SMG8: variants seen among roughly 807,000 people sequenced by gnomAD.
The protein encoded by SMG8 is nonsense-mediated mRNA decay factor SMG8.
A neutral mutation model predicts 82.1 loss-of-function variants in SMG8; 49 were observed. The ratio of observed to expected loss-of-function variants is 0.60; its 90% CI spans 0.47 to 0.76. The LOEUF (loss-of-function observed/expected upper bound fraction) is 0.76. Among genes scored for constraint, SMG8 ranks in the 30% least tolerant of loss-of-function variants. The probability of loss-of-function intolerance (pLI) is 0.00; values close to 1 mark genes in which losing one functional copy is unlikely to be tolerated. For missense variants in SMG8, 969 were observed against 1,166.4 expected (o/e 0.83, Z 2.46); for synonymous variants, 404 against 430.0 (o/e 0.94, Z 0.75).
At chr17:59,212,265 G>T in intron 1 of SMG8, 76 bp from the exon 2 acceptor site, 1 of 1,270,796 alleles carries the variant, frequency 7.9e-7, no homozygotes, top group Admixed American at 2.1e-5. Context: ...TTGTTTGTGG[G>T]GTTAGATGTT....
Position 59,212,923 on chromosome 17 carries a change from C to T in SMG8, c.2100C>T (p.Gly700=), listed in dbSNP as rs2046951829. The T allele has an allele frequency of 6.2e-7, 1 of 1,613,898 alleles. No homozygotes were observed. The highest frequency in any genetic ancestry group is 8.5e-7 in the Non-Finnish European group (1 of 1,180,016). Residue 700 remains glycine (G), a synonymous_variant, in exon 3 of 4, where the codon GGC becomes GGT. Transcript: ENST00000300917. ...STSLSLALSL[G]QSTDSLGTYP... is the part of the protein sequence containing the mutation. ...GCCTGAGTTTAGCTTTGAGTTTGGG[C>T]CAATCCACAGATAGCTTAGGTACCT...
Position 59,212,455 on chromosome 17 carries a change from A to T in SMG8, c.1874A>T (p.Asp625Val). The change falls in exon 2 of 4, where the codon GAT becomes GTT. Residue 625 changes from aspartate to valine, a missense_variant. Asp to Val is a radical substitution (Grantham distance 152, BLOSUM62 -3). Transcript: ENST00000300917. Reference protein sequence around the residue: ...RKQAPRDDPFDIKAANYDFYQ... With the variant: ...RKQAPRDDPFVIKAANYDFYQ... ...CAAGCACCTCGAGATGATCCCTTTG[A>T]TATCAAAGCAGCCAATTATGACTTC... is the stretch of plus-strand genomic sequence containing the variant. 6.2e-7 allele frequency: 1 copy of T among 1,608,320 alleles called. No homozygotes were observed.
chr17:59,214,701 C>T (rs1324216924), intron 3 of SMG8, 104 bp from the exon 4 acceptor site: 1 of 711,044 alleles, frequency 1.4e-6, no homozygotes, highest in Non-Finnish European at 2.5e-6. Context: ...GCCACCAGGT[C>T]TGGCCTTGTA....
rs764913669 is a variant in SMG8 at position 59,210,293 on chromosome 17, G to T, written c.242G>T (p.Arg81Leu). The T allele has an allele frequency of 2.5e-6, 4 of 1,612,896 alleles. No homozygotes were observed. The highest frequency in any genetic ancestry group is 1.1e-5 in the South Asian group (1 of 90,980). The part of the protein sequence containing the change: ...VCDRQVFPLF[R>L]HQDPGDPGPG... Reference sequence around the variant, plus strand: ...GACCGACAGGTCTTTCCTCTCTTTCGCCACCAAGATCCTGGGGATCCAGGA... The same window carrying T: ...GACCGACAGGTCTTTCCTCTCTTTCTCCACCAAGATCCTGGGGATCCAGGA... Residue 81 changes from arginine (R) to leucine (L), a missense_variant, in exon 1 of 4, where the codon CGC (arginine) becomes CTC (leucine). Transcript: ENST00000300917.
In SMG8 at chr17:59,210,116, G is replaced by A. The variant is rs1343003998; in HGVS notation, c.65G>A (p.Ser22Asn). 3 of 1,581,008 alleles carry A rather than the reference G, an allele frequency of 1.9e-6. No individual in the cohort carries two copies. In the East Asian group the frequency reaches 6.7e-5, roughly 35 times the overall value. ...MGASAWMGSE[S>N]PGGSPTEGGG... ...GCATCAGCCTGGATGGGCTCTGAAA[G>A]TCCCGGAGGGTCCCCTACTGAGGGC... The change falls in exon 1 of 4, where the codon AGT becomes AAT. Residue 22 changes from serine to asparagine, a missense_variant. This residue lies in a region of SMG8 where 206 missense variants were observed against 190.5 expected (regional missense o/e 1.08). Transcript: ENST00000300917.
chr17:59,210,304 C>A lies in SMG8; in HGVS notation c.253C>A (p.Pro85Thr). The A allele has an allele frequency of 6.2e-7, 1 of 1,613,148 alleles. No individual in the cohort carries two copies. Among genetic ancestry groups the A allele is most frequent in the Non-Finnish European group, 8.5e-7 (1 of 1,179,746 alleles). ...CTTTCCTCTCTTTCGCCACCAAGAT[C>A]CTGGGGATCCAGGACCTGGAATCAG... ...QVFPLFRHQD[P>T]GDPGPGIRTE... The change falls in exon 1 of 4, where the codon CCT becomes ACT. Residue 85 changes from proline to threonine, a missense_variant. By Grantham distance (38) the Pro-to-Thr change is conservative. This residue lies in a region of SMG8 where 206 missense variants were observed against 190.5 expected (regional missense o/e 1.08). Transcript: ENST00000300917.
chr17:59,213,712 GGC>G, intron 3 of SMG8, 111 bp downstream of exon 3: 1 of 1,369,914 alleles, frequency 7.3e-7, no homozygotes, highest in South Asian at 1.4e-5. Flanking sequence ...TCAGGCTGAG[GGC>G]AGTGGCTCAT....
intron 1 of SMG8, 28 bp from the exon 2 acceptor site, chr17:59,212,313 A>G (rs772902495): frequency 1.9e-6 from 3 of 1,542,170 alleles, no homozygotes; most frequent in South Asian, 1.2e-5. Flanking sequence ...GTGTTTATGA[A>G]ATTAATAGTG....
chr17:59,212,491 ACT>A lies in SMG8; in HGVS notation c.1905+8_1905+9del, dbSNP rs758693113. The A allele has an allele frequency of 3.8e-6, 6 of 1,588,740 alleles. No homozygotes were observed. The highest frequency in any genetic ancestry group is 4.3e-6 in the Non-Finnish European group (5 of 1,163,688). ...GCCAATTATGACTTCTATCAGGTAG[ACT>A]CTGAATTTTTTCTTCTTCCTCTTCT... On this transcript the variant is annotated splice_donor_region_variant and intron_variant, in intron 2 of 3. Transcript: ENST00000300917.
In SMG8 at chr17:59,210,142, G is replaced by A; in HGVS notation, c.91G>A (p.Gly31Arg). 2 of 1,588,232 alleles carry A rather than the reference G, an allele frequency of 1.3e-6. No individual in the cohort carries two copies. Among genetic ancestry groups the A allele is most frequent in the Non-Finnish European group, 1.7e-6 (2 of 1,168,090 alleles). ...TCCCGGAGGGTCCCCTACTGAGGGC[G>A]GAGGGAGCGCGGCTGGCGGACCGGA... ...ESPGGSPTEG[G>R]GSAAGGPEPP... The change falls in exon 1 of 4, where the codon GGA (glycine) becomes AGA (arginine). Residue 31 changes from glycine (G) to arginine (R), a missense_variant. Physicochemically the swap from Gly to Arg is moderately radical, Grantham distance 125. Around this residue, in one of 3 missense-constraint regions of SMG8, gnomAD observed 206 missense variants for 190.5 expected, o/e 1.08. Transcript: ENST00000300917.
At chr17:59,212,286 A>C in intron 1 of SMG8, 55 bp from the exon 2 acceptor site, 3 of 1,475,722 alleles carry the variant, frequency 2.0e-6, no homozygotes, top group Non-Finnish European at 2.7e-6. Flanking sequence ...GTAGAATGCA[A>C]AGTAAATTCG....
chr17:59,213,425 A>C lies in SMG8; in HGVS notation c.2602A>C (p.Met868Leu), dbSNP rs986058966. 1.2e-6 allele frequency: 2 copies of C among 1,614,056 alleles called. No individual in the cohort carries two copies. The highest frequency in any genetic ancestry group is 1.3e-5 in the African/African-American group (1 of 74,936). ...RFMCSGPDKVMKVMGSGPKES... is the reference protein window; with the variant it reads ...RFMCSGPDKVLKVMGSGPKES... ...CATGTGCTCTGGGCCTGACAAAGTA[A>C]TGAAAGTAATGGGAAGTGGGCCAAA... is the stretch of plus-strand genomic sequence containing the variant. The change falls in exon 3 of 4, where the codon ATG becomes CTG. Residue 868 changes from methionine to leucine, a missense_variant. Physicochemically the swap from Met to Leu is conservative, Grantham distance 15. Coordinates refer to ENST00000300917, the MANE Select transcript of SMG8 (RefSeq NM_018149.7).
chr17:59,212,962 A>C lies in SMG8; in HGVS notation c.2139A>C (p.Pro713=), dbSNP rs748017260. The C allele has an allele frequency of 1.2e-6, 2 of 1,614,200 alleles. No homozygotes were observed. The highest frequency in any genetic ancestry group is 1.6e-4 in the Middle Eastern group (1 of 6,062). ...GCTTAGGTACCTATCCAGCTGATCCACAAGCAGGAGGAGATAATCCAGAAG... is the reference window on the plus strand; with the variant it reads ...GCTTAGGTACCTATCCAGCTGATCCCCAAGCAGGAGGAGATAATCCAGAAG... ...TDSLGTYPAD[P]QAGGDNPEVH... The change falls in exon 3 of 4, where the codon CCA becomes CCC. Residue 713 remains proline, a synonymous_variant. Coordinates refer to ENST00000300917, the MANE Select transcript of SMG8 (RefSeq NM_018149.7).
At position 59,210,589 on chromosome 17, in the gene SMG8, T is replaced by C; in HGVS notation, c.538T>C (p.Leu180=). The change falls in exon 1 of 4, where the codon TTA becomes CTA. Residue 180 remains leucine, a synonymous_variant. Transcript: ENST00000300917. ...QSGEAGGGLS[L]PHAEAHEFWK... ...CGGGGAAGCTGGAGGTGGACTCTCT[T>C]TACCTCATGCAGAAGCACACGAGTT... 1 of 1,596,680 alleles carries C rather than the reference T, an allele frequency of 6.3e-7. No homozygotes were observed. Among genetic ancestry groups the C allele is most frequent in the Non-Finnish European group, 8.5e-7 (1 of 1,172,500 alleles).
Position 59,210,783 on chromosome 17 carries a change from C to T in SMG8, c.732C>T (p.Ala244=). 1 of 1,614,178 alleles carries T rather than the reference C, an allele frequency of 6.2e-7. No individual in the cohort carries two copies. The highest frequency in any genetic ancestry group is 8.5e-7 in the Non-Finnish European group (1 of 1,180,040). Residue 244 remains alanine (A), a synonymous_variant, in exon 1 of 4, where the codon GCC becomes GCT. Transcript: ENST00000300917. ...RQKVLPLLKT[A]IKDCPVGKDW... ...AGGTCCTGCCGCTCCTTAAAACAGC[C>T]ATTAAGGATTGTCCAGTTGGCAAAG...
rs139994067 is a variant in SMG8 at position 59,210,861 on chromosome 17, A to C, written c.810A>C (p.Gln270His). ...CACCTAGACTCCTTTTCCTCTTTCA[A>C]CTCAATGGAGCCCTCAAGGTAGAAC... Reference protein sequence around the residue: ...PCPPRLLFLFQLNGALKVEPP... With the variant: ...PCPPRLLFLFHLNGALKVEPP... Residue 270 changes from glutamine to histidine, a missense_variant, in exon 1 of 4, where the codon CAA becomes CAC. Physicochemically the swap from Gln to His is conservative, Grantham distance 24 (BLOSUM62 0). Transcript: ENST00000300917. The C allele has an allele frequency of 2.5e-6, 4 of 1,613,796 alleles. No individual in the cohort carries two copies. In the African/African-American group the frequency reaches 5.3e-5, roughly 22 times the overall value.
In SMG8 at chr17:59,211,402, G is replaced by C. The variant is rs1304702168; in HGVS notation, c.1351G>C (p.Ala451Pro). Residue 451 changes from alanine (A) to proline (P), a missense_variant, in exon 1 of 4, where the codon GCA (alanine) becomes CCA (proline). Around this residue, in one of 3 missense-constraint regions of SMG8, gnomAD observed 662 missense variants for 884.8 expected, o/e 0.75. Coordinates refer to ENST00000300917, the MANE Select transcript of SMG8 (RefSeq NM_018149.7). ...TCCTACTTATCAGAAGTGGATCTCA[G>C]CAGCTTCAAAACTGTATGAGGTGGC... ...ELPTYQKWIS[A>P]ASKLYEVAID... 4.3e-6 allele frequency: 7 copies of C among 1,614,100 alleles called. No individual in the cohort carries two copies. The South Asian group carries it at 6.6e-5, about 15-fold the overall frequency.
In SMG8 at chr17:59,212,964, A is replaced by C; in HGVS notation, c.2141A>C (p.Gln714Pro). 6.2e-7 allele frequency: 1 copy of C among 1,614,172 alleles called. No individual in the cohort carries two copies. The highest frequency in any genetic ancestry group is 1.1e-5 in the South Asian group (1 of 91,082). Reference sequence around the variant, plus strand: ...TTAGGTACCTATCCAGCTGATCCACAAGCAGGAGGAGATAATCCAGAAGTT... The same window carrying C: ...TTAGGTACCTATCCAGCTGATCCACCAGCAGGAGGAGATAATCCAGAAGTT... ...DSLGTYPADP[Q>P]AGGDNPEVHG... The change falls in exon 3 of 4, where the codon CAA becomes CCA. Residue 714 changes from glutamine (Q) to proline (P), a missense_variant. Around this residue, in one of 3 missense-constraint regions of SMG8, gnomAD observed 662 missense variants for 884.8 expected, o/e 0.75. Transcript: ENST00000300917.
At position 59,210,696 on chromosome 17, in the gene SMG8, C is replaced by T. The variant is rs1244152695; in HGVS notation, c.645C>T (p.Pro215=). The change falls in exon 1 of 4, where the codon CCC becomes CCT. Residue 215 remains proline, a synonymous_variant. Coordinates refer to ENST00000300917, the MANE Select transcript of SMG8 (RefSeq NM_018149.7). ...SVCHILLLVH[P]TCSFDITYDR... ...GTCATATCTTGCTTCTGGTCCATCC[C>T]ACTTGTTCCTTTGATATCACTTATG... 6.2e-7 allele frequency: 1 copy of T among 1,614,134 alleles called. No individual in the cohort carries two copies. Among genetic ancestry groups the T allele is most frequent in the Non-Finnish European group, 8.5e-7 (1 of 1,180,012 alleles).
Sources: allele counts gnomAD v4.1 joint callset, GRCh38; gene constraint gnomAD v4.1.1; regional missense constraint gnomAD v4.1.1; transcripts MANE v1.5; gene names NCBI Gene and HGNC (gene_info 2026-07-23, HGNC 2026-07-21).